The following DOCK2 variants were observed in gnomAD, a reference collection of about 807,000 sequenced individuals.
DOCK2 encodes dedicator of cytokinesis protein 2.
DOCK2 carries 87 observed loss-of-function variants against 248.9 expected under a neutral mutation model. That is an observed-to-expected ratio of 0.35 (90% CI 0.29 to 0.42). DOCK2 has a LOEUF of 0.42. Ranked by LOEUF, DOCK2 falls within the 10% of genes least tolerant of loss-of-function variation. The pLI is 1.00. For missense variants in DOCK2, 1,747 were observed against 2,300.2 expected (o/e 0.76, Z 4.92); for synonymous variants, 805 against 821.6 (o/e 0.98, Z 0.35).
chr5:169,862,793 G>A (rs908012550), intron 27 of DOCK2, among the ~76,000 whole-genome samples: 2 of 152,194 alleles, frequency 1.3e-5, no homozygotes, highest in Non-Finnish European at 2.9e-5. Context: ...CCATCGGAGT[G>A]GTTTGCTCAA....
intron 26 of DOCK2, among the ~76,000 whole-genome samples, chr5:169,819,914 TC>T (rs1768315470): frequency 6.6e-6 from 1 of 152,176 alleles, no homozygotes; most frequent in Non-Finnish European, 1.5e-5. Flanking sequence ...ATCAGGTCAC[TC>T]CCACCCTAAT....
At chr5:169,774,776 C>T (rs1765284386) in intron 25 of DOCK2, among the ~76,000 whole-genome samples, 1 of 152,306 alleles carries the variant, frequency 6.6e-6, no homozygotes, top group East Asian at 1.9e-4. Context: ...AGATTTTCTA[C>T]TTGCCTATTA....
chr5:169,906,135 T>C (rs1774261858), intron 27 of DOCK2, among the ~76,000 whole-genome samples: 1 of 152,216 alleles, frequency 6.6e-6, no homozygotes, highest in Admixed American at 6.5e-5. Flanking sequence ...TTTACATTCA[T>C]TCGTGCAGTA....
At chr5:169,748,723 C>G (rs1763747300) in intron 23 of DOCK2, among the ~76,000 whole-genome samples, 1 of 152,144 alleles carries the variant, frequency 6.6e-6, no homozygotes, top group Non-Finnish European at 1.5e-5. Flanking sequence ...CATAAATACC[C>G]TCCTCTAGAA....
intron 2 of DOCK2, among the ~76,000 whole-genome samples, chr5:169,663,022 A>G (rs577753202): frequency 6.6e-6 from 1 of 152,324 alleles, no homozygotes; most frequent in African/African-American, 2.4e-5. Context: ...GTAAAATCAA[A>G]ACAACAAGTC....
At chr5:169,662,321 C>A (rs1398709221) in intron 2 of DOCK2, among the ~76,000 whole-genome samples, 1 of 152,218 alleles carries the variant, frequency 6.6e-6, no homozygotes, top group South Asian at 2.1e-4. Flanking sequence ...TATTTTTATA[C>A]TATTGAGTTA....
intron 27 of DOCK2, among the ~76,000 whole-genome samples, chr5:169,943,105 A>C (rs1240859875): frequency 6.6e-6 from 1 of 152,186 alleles, no homozygotes; most frequent in Non-Finnish European, 1.5e-5. Context: ...TATTCCATTC[A>C]ATGGAAATAT....
intron 22 of DOCK2, among the ~76,000 whole-genome samples, chr5:169,725,304 C>A (rs1432711050): frequency 6.6e-6 from 1 of 152,070 alleles, no homozygotes; most frequent in Non-Finnish European, 1.5e-5. Flanking sequence ...AAAACTGTCA[C>A]CGAAAGGATA....
intron 8 of DOCK2, among the ~76,000 whole-genome samples, chr5:169,685,588 G>C (rs182468655): frequency 2.0e-5 from 3 of 152,306 alleles, no homozygotes; most frequent in Admixed American, 2.0e-4. Flanking sequence ...CTGCCTTTGT[G>C]GGAAAAATGG....
intron 27 of DOCK2, among the ~76,000 whole-genome samples, chr5:169,954,285 G>A (rs867316970): frequency 7.9e-5 from 12 of 152,188 alleles, no homozygotes; most frequent in African/African-American, 2.7e-4. Context: ...TGATTCTAAG[G>A]AATAAATTGT....
chr5:170,082,841 C>G lies in DOCK2; in HGVS notation c.5476C>G (p.Leu1826Val). Residue 1826 changes from leucine (L) to valine (V), a missense_variant, in exon 52 of 52, where the codon CTG (leucine) becomes GTG (valine). Leu to Val is a conservative substitution (Grantham distance 32). Coordinates refer to ENST00000520908, the MANE Select transcript of DOCK2 (RefSeq NM_004946.3). ...AEEGKQIPDS[L>V]STDL ...AGAAGGCAAACAGATCCCAGACTCG[C>G]TGTCCACGGACCTGTGAGCTGCTGC... 2 of 1,614,240 alleles carry G rather than the reference C, an allele frequency of 1.2e-6. No individual in the cohort carries two copies. Among genetic ancestry groups the G allele is most frequent in the Non-Finnish European group, 1.7e-6 (2 of 1,180,044 alleles).
intron 26 of DOCK2, among the ~76,000 whole-genome samples, chr5:169,834,673 T>C (rs1217783330): frequency 0.025 from 1,870 of 73,656 alleles, 1 homozygote; most frequent in Middle Eastern, 0.067. Context: ...TACTCACATG[T>C]TCAGTCAGTG....
At chr5:169,988,078 T>C (rs1408282251) in intron 29 of DOCK2, among the ~76,000 whole-genome samples, 1 of 152,134 alleles carries the variant, frequency 6.6e-6, no homozygotes. Flanking sequence ...CATCACTAGG[T>C]GATGACAACA....
chr5:169,812,734 A>T (rs1011678727), intron 26 of DOCK2, among the ~76,000 whole-genome samples: 1 of 152,164 alleles, frequency 6.6e-6, no homozygotes. Flanking sequence ...CACTGTTCCG[A>T]TTCACTCATA....
chr5:169,986,061 A>T, intron 29 of DOCK2, 139 bp downstream of exon 29: 1 of 755,460 alleles, frequency 1.3e-6, no homozygotes, highest in Non-Finnish European at 2.0e-6. Flanking sequence ...TTCTATCTTT[A>T]AACCCAGGGA....
chr5:170,077,671 C>T (rs1757881563), intron 47 of DOCK2, 39 bp from the exon 48 acceptor site: 11 of 1,609,594 alleles, frequency 6.8e-6, no homozygotes, highest in Non-Finnish European at 9.3e-6. Context: ...CCACCTTCCC[C>T]AGGCTACAGC....
chr5:170,036,474 C>T (rs1159057181), intron 35 of DOCK2, 41 bp from the exon 36 acceptor site: 2 of 1,598,826 alleles, frequency 1.3e-6, no homozygotes, highest in South Asian at 1.1e-5. Context: ...TGTGATATTG[C>T]AGAGAACAAC....
intron 27 of DOCK2, among the ~76,000 whole-genome samples, chr5:169,945,437 C>A (rs567809780): frequency 6.6e-6 from 1 of 152,238 alleles, no homozygotes; most frequent in Non-Finnish European, 1.5e-5. Context: ...AACAGAAATG[C>A]TAACAAGTGT....
Position 169,674,362 on chromosome 5 carries a change from C to T in DOCK2, c.387C>T (p.Ser129=), listed in dbSNP as rs1759211033. 1.2e-6 allele frequency: 2 copies of T among 1,614,104 alleles called. No individual in the cohort carries two copies. The highest frequency in any genetic ancestry group is 1.7e-6 in the Non-Finnish European group (2 of 1,179,988). Residue 129 remains serine, a synonymous_variant, in exon 6 of 52, where the codon TCC becomes TCT. Coordinates refer to ENST00000520908, the MANE Select transcript of DOCK2 (RefSeq NM_004946.3). ...SMMYDLMEWR[S]QLLSGTLPKD... ...TGTACGATCTGATGGAGTGGAGGTC[C>T]CAGCTTCTCTCAGGAACCTTACCCA...
Sources: gnomAD v4.1 joint callset for allele counts (sites outside exome capture counted in the v4.1 genomes callset) on GRCh38, gnomAD v4.1.1 for gene constraint, MANE v1.5 for transcripts, NCBI Gene and HGNC (gene_info 2026-07-23, HGNC 2026-07-21) for gene names.